The following PDE1C variants were observed in gnomAD, a reference collection of about 807,000 sequenced individuals.
PDE1C encodes phosphodiesterase 1C, also known as dual specificity calcium/calmodulin-dependent 3',5'-cyclic nucleotide phosphodiesterase 1C.
PDE1C carries 62 observed loss-of-function variants against 93.1 expected under a neutral mutation model. The observed-to-expected ratio is 0.67, with a 90% CI of 0.54 to 0.82. PDE1C has a LOEUF of 0.82. PDE1C is among the 40% of genes least tolerant of loss of function. The pLI, the probability that PDE1C is intolerant of heterozygous loss-of-function variation, is 0.00. For missense variants in PDE1C, 742 were observed against 884.6 expected (o/e 0.84, Z 2.04); for synonymous variants, 325 against 310.1 (o/e 1.05, Z -0.50).
intron 1 of PDE1C, among the ~76,000 whole-genome samples, chr7:32,316,001 A>C (rs146895645): frequency 6.6e-6 from 1 of 152,176 alleles, no homozygotes; most frequent in African/African-American, 2.4e-5. Context: ...CATCTCAAAA[A>C]ATATATATAT....
chr7:32,414,096 T>G (rs1226818972), intron 1 of PDE1C, among the ~76,000 whole-genome samples: 1 of 151,236 alleles, frequency 6.6e-6, no homozygotes, highest in Non-Finnish European at 1.5e-5. Context: ...GCCTGCAGTC[T>G]GAACTACTAG....
exon 3 of PDE1C, chr7:32,169,791 G>A (rs1802530860): frequency 6.2e-7 from 1 of 1,612,206 alleles, no homozygotes; most frequent in African/African-American, 1.3e-5. Context: ...AAACCTGAAG[G>A]ATGTCTTCAC....
At chr7:32,169,375 A>G (rs895691608) in intron 3 of PDE1C, among the ~76,000 whole-genome samples, 1 of 152,198 alleles carries the variant, frequency 6.6e-6, no homozygotes, top group African/African-American at 2.4e-5. Context: ...ATCTTTTACA[A>G]CTGGAAACCT....
chr7:32,095,576 G>A lies in PDE1C; in HGVS notation c.308+74209C>T, dbSNP rs150350783. 8.2e-3 allele frequency among the ~76,000 whole-genome samples: 1,247 copies of A among 152,278 alleles called. 16 individuals are homozygous for A. Among genetic ancestry groups the A allele is most frequent in the African/African-American group, 0.028 (1,164 of 41,560 alleles). On this transcript the variant is annotated intron_variant, in intron 3 of 18. Transcript: ENST00000396193. ...CAAGGGAATGCCAAGAGGGACACAC[G>A]GTTCTTATTATATTTCTCCAGCCCA...
the PDE1C span, among the ~76,000 whole-genome samples, chr7:31,645,407 T>C: frequency 6.6e-6 from 1 of 152,200 alleles, no homozygotes. Context: ...TATATGAACC[T>C]AATATTAGTG....
intron 16 of PDE1C, among the ~76,000 whole-genome samples, chr7:31,806,029 C>T (rs1786781170): frequency 6.6e-6 from 1 of 151,896 alleles, no homozygotes; most frequent in Non-Finnish European, 1.5e-5. Context: ...CAAAAGAAGA[C>T]ATTCATAGAC....
intron 2 of PDE1C, among the ~76,000 whole-genome samples, chr7:31,895,359 T>G (rs1799147717): frequency 6.6e-6 from 1 of 152,040 alleles, no homozygotes; most frequent in Non-Finnish European, 1.5e-5. Flanking sequence ...GAGATGTCAC[T>G]AAGACTTCCT....
At chr7:31,638,421 C>G in the PDE1C span, among the ~76,000 whole-genome samples, 1 of 152,160 alleles carries the variant, frequency 6.6e-6, no homozygotes, top group East Asian at 1.9e-4. Context: ...CAGGCAGCAC[C>G]TTTTCTACAA....
intron 2 of PDE1C, among the ~76,000 whole-genome samples, chr7:31,934,213 T>C (rs930730903): frequency 1.3e-5 from 2 of 152,150 alleles, no homozygotes; most frequent in African/African-American, 4.8e-5. Context: ...CACTTAAGAA[T>C]AGCTTTTCAG....
intron 2 of PDE1C, among the ~76,000 whole-genome samples, chr7:31,964,840 C>A (rs1158329053): frequency 6.6e-6 from 1 of 152,324 alleles, no homozygotes; most frequent in South Asian, 2.1e-4. Context: ...GATACCCAGG[C>A]AAACAGGGTC....
intron 17 of PDE1C, 132 bp downstream of exon 17, chr7:31,775,532 A>C: frequency 1.4e-6 from 1 of 696,092 alleles, no homozygotes; most frequent in Non-Finnish European, 2.5e-6. Context: ...ACAGAGACAA[A>C]GCTCTCTGAT....
chr7:31,681,120 C>G, the PDE1C span, among the ~76,000 whole-genome samples: 4 of 152,142 alleles, frequency 2.6e-5, no homozygotes, highest in African/African-American at 9.7e-5. Flanking sequence ...TTCTTGAAAC[C>G]ATATGACACT....
chr7:32,367,528 G>A (rs2128086776), intron 1 of PDE1C, among the ~76,000 whole-genome samples: 1 of 152,286 alleles, frequency 6.6e-6, no homozygotes, highest in South Asian at 2.1e-4. Flanking sequence ...CACCTCACCT[G>A]TAAAGACAGA....
chr7:31,890,168 A>G (rs2128897417), intron 2 of PDE1C, among the ~76,000 whole-genome samples: 1 of 152,354 alleles, frequency 6.6e-6, no homozygotes, highest in East Asian at 1.9e-4. Flanking sequence ...AGCATCATTC[A>G]GAATCCACCC....
intron 2 of PDE1C, among the ~76,000 whole-genome samples, chr7:32,030,834 A>G (rs1563220694): frequency 6.6e-6 from 1 of 152,086 alleles, no homozygotes; most frequent in Non-Finnish European, 1.5e-5. Context: ...CCTCCACTCC[A>G]TTTTGGACTT....
At chr7:31,660,589 G>T in the PDE1C span, among the ~76,000 whole-genome samples, 9 of 151,590 alleles carry the variant, frequency 5.9e-5, no homozygotes, top group African/African-American at 2.4e-5. Context: ...GCCCACTTCT[G>T]GCTACCGTAC....
intron 2 of PDE1C, among the ~76,000 whole-genome samples, chr7:32,208,335 G>A (rs1407509544): frequency 6.6e-6 from 1 of 152,118 alleles, no homozygotes; most frequent in Non-Finnish European, 1.5e-5. Context: ...AACCCTGCAT[G>A]AGGAATGCAG....
At chr7:31,740,430 T>A in the PDE1C span, among the ~76,000 whole-genome samples, 1 of 152,214 alleles carries the variant, frequency 6.6e-6, no homozygotes, top group African/African-American at 2.4e-5. Context: ...TTTAGTGCAC[T>A]TTAAAAAATT....
At chr7:32,395,457 G>A (rs1784824670) in intron 1 of PDE1C, among the ~76,000 whole-genome samples, 1 of 152,180 alleles carries the variant, frequency 6.6e-6, no homozygotes, top group East Asian at 1.9e-4. Flanking sequence ...AGGAAATAAT[G>A]TGATTCCATA....
Sources: gnomAD v4.1 joint callset for allele counts (sites outside exome capture counted in the v4.1 genomes callset) on GRCh38, gnomAD v4.1.1 for gene constraint, MANE v1.5 for transcripts, NCBI Gene and HGNC (gene_info 2026-07-23, HGNC 2026-07-21) for gene names.